Variants in NPR3 observed in about 807,000 individuals in gnomAD.
NPR3 encodes natriuretic peptide receptor 3.
Under a neutral mutation model 54.5 loss-of-function variants are expected in NPR3, and 34 were observed. The ratio of observed to expected loss-of-function variants is 0.62; its 90% CI spans 0.47 to 0.83. NPR3 has a LOEUF of 0.83. Ranked by LOEUF, NPR3 falls within the 40% of genes least tolerant of loss-of-function variation. The pLI is 0.00. For missense variants in NPR3, 674 were observed against 720.8 expected (o/e 0.94, Z 0.74); for synonymous variants, 289 against 297.1 (o/e 0.97, Z 0.28).
In NPR3 at chr5:32,789,544, A is replaced by T. The variant is rs375733344; in HGVS notation, c.*3199A>T. 9 of 534,610 alleles carry T rather than the reference A, an allele frequency of 1.7e-5. No homozygotes were observed. In the East Asian group the frequency reaches 2.7e-4, roughly 16 times the overall value. 33.1% of individuals were successfully genotyped at this position (534,610 alleles called of 1,614,324 possible). A position where few individuals can be genotyped will look rare whatever the true frequency, so the allele number is the denominator to read the frequency against. ...TTTAATGGAGGGAAGAGAGAAATGC[A>T]TGGGAAAAGAACACCTCCTTTTCTC... is the stretch of plus-strand genomic sequence containing the variant. On this transcript the variant is annotated 3_prime_UTR_variant, in exon 8 of 8. Transcript: ENST00000265074.
chr5:32,732,913 C>T lies in NPR3; in HGVS notation c.893-5951C>T, dbSNP rs535499770. Among the ~76,000 whole-genome samples the T allele has an allele frequency of 2.6e-5, 4 of 152,156 alleles. No homozygotes were observed. The East Asian group carries it at 5.8e-4, about 22-fold the overall frequency. On this transcript the variant is annotated intron_variant, in intron 2 of 7. Transcript: ENST00000265074. ...AGGCTGAATTGCAGTGGCATGATCT[C>T]AGCTCACTGCAACCTCTGCCTCCTA...
At chr5:32,778,769 G>C (rs1200337295) in intron 4 of NPR3, among the ~76,000 whole-genome samples, 1 of 152,142 alleles carries the variant, frequency 6.6e-6, no homozygotes, top group East Asian at 1.9e-4. Flanking sequence ...CCCATTTCTT[G>C]GCAGAATTGC....
chr5:32,699,960 C>A (rs963921189), intron 1 of NPR3, among the ~76,000 whole-genome samples: 1 of 152,152 alleles, frequency 6.6e-6, no homozygotes, highest in Non-Finnish European at 1.5e-5. Flanking sequence ...AATATTTTCA[C>A]CAGATATACT....
intron 2 of NPR3, among the ~76,000 whole-genome samples, chr5:32,728,837 GTATATATATATATATATATATATATA>G (rs70961659): frequency 4.2e-5 from 2 of 48,012 alleles, no homozygotes; most frequent in Admixed American, 3.3e-4. Context: ...GTGTGTGTGT[GTATATATATATATATATATATATATA>G]TATATATATA....
chr5:32,727,215 A>C (rs1329048486), intron 2 of NPR3, among the ~76,000 whole-genome samples: 1 of 152,070 alleles, frequency 6.6e-6, no homozygotes, highest in Non-Finnish European at 1.5e-5. Context: ...TAGCCTCAAC[A>C]CCATGGGCTC....
At chr5:32,755,148 C>T (rs1305688419) in intron 3 of NPR3, among the ~76,000 whole-genome samples, 4 of 152,252 alleles carry the variant, frequency 2.6e-5, no homozygotes, top group African/African-American at 7.2e-5. Context: ...GCGTGAGCCA[C>T]CGCGCCCGGC....
At chr5:32,702,398 A>C (rs1737846776) in intron 1 of NPR3, among the ~76,000 whole-genome samples, 1 of 131,462 alleles carries the variant, frequency 7.6e-6, no homozygotes, top group African/African-American at 2.8e-5. Context: ...TCCTAATGCT[A>C]TCCCTCCCCC....
intron 3 of NPR3, among the ~76,000 whole-genome samples, chr5:32,765,823 A>G (rs1309628770): frequency 6.6e-6 from 1 of 152,218 alleles, no homozygotes; most frequent in East Asian, 1.9e-4. Context: ...AACGGAATCT[A>G]TAAATAAAGG....
At chr5:32,694,271 A>G (rs1168500324) in intron 1 of NPR3, among the ~76,000 whole-genome samples, 3 of 152,264 alleles carry the variant, frequency 2.0e-5, no homozygotes, top group Non-Finnish European at 4.4e-5. Context: ...ACAAGCAAAC[A>G]TTATACAGTA....
chr5:32,722,318 C>T (rs1280321522), intron 1 of NPR3, among the ~76,000 whole-genome samples: 1 of 152,108 alleles, frequency 6.6e-6, no homozygotes, highest in Non-Finnish European at 1.5e-5. Flanking sequence ...CTCTACTGGC[C>T]TCCCTGATTC....
At chr5:32,695,214 T>G (rs1458757532) in intron 1 of NPR3, among the ~76,000 whole-genome samples, 4 of 152,326 alleles carry the variant, frequency 2.6e-5, no homozygotes, top group Admixed American at 2.6e-4. Context: ...TTCTTTTGGG[T>G]ATATACCCAA....
At chr5:32,711,298 C>T, upstream of NPR3, 1 of 965,864 alleles carries the variant, frequency 1.0e-6, no homozygotes, top group Non-Finnish European at 1.2e-6. Flanking sequence ...GCTATTTAAA[C>T]GCGGGCTATG....
intron 1 of NPR3, among the ~76,000 whole-genome samples, chr5:32,717,989 G>A (rs1738646437): frequency 6.6e-6 from 1 of 152,116 alleles, no homozygotes; most frequent in Non-Finnish European, 1.5e-5. Flanking sequence ...TATGGTTTTA[G>A]GTTTAACATT....
In NPR3 at chr5:32,712,349, G is replaced by C. The variant is rs1367930301; in HGVS notation, c.573G>C (p.Leu191=). Residue 191 remains leucine, a synonymous_variant, in exon 1 of 8, where the codon CTG becomes CTC. Coordinates refer to ENST00000265074, the MANE Select transcript of NPR3 (RefSeq NM_001204375.2). Reference sequence around the variant, plus strand: ...AGATGGGCGAGATGATGCTCGCCCTGTTCCGCCACCACCACTGGAGCCGCG... The same window carrying C: ...AGATGGGCGAGATGATGCTCGCCCTCTTCCGCCACCACCACTGGAGCCGCG... The part of the protein sequence containing the change: ...YAKMGEMMLA[L]FRHHHWSRAA... The C allele has an allele frequency of 6.2e-7, 1 of 1,612,986 alleles. No homozygotes were observed. Among genetic ancestry groups the C allele is most frequent in the African/African-American group, 1.3e-5 (1 of 75,070 alleles).
chr5:32,702,047 C>T (rs1051315300), intron 1 of NPR3, among the ~76,000 whole-genome samples: 9 of 152,146 alleles, frequency 5.9e-5, no homozygotes, highest in African/African-American at 2.2e-4. Context: ...GTTAGGTTCA[C>T]TCAAGGCCCT....
At chr5:32,703,417 A>T (rs560945031) in intron 1 of NPR3, among the ~76,000 whole-genome samples, 245 of 151,574 alleles carry the variant, frequency 1.6e-3, no homozygotes, top group African/African-American at 5.3e-3. Flanking sequence ...CTCAAGCAGA[A>T]GGAGTCTCTC....
At chr5:32,720,356 A>G (rs960848389) in intron 1 of NPR3, among the ~76,000 whole-genome samples, 5 of 152,224 alleles carry the variant, frequency 3.3e-5, no homozygotes, top group Non-Finnish European at 5.9e-5. Context: ...GTTTCTCCCA[A>G]TGAAAACTTG....
chr5:32,693,444 T>C (rs142528275), intron 1 of NPR3, among the ~76,000 whole-genome samples: 1 of 152,282 alleles, frequency 6.6e-6, no homozygotes, highest in African/African-American at 2.4e-5. Flanking sequence ...AAGAAAAAAC[T>C]CCCTTACGGA....
At chr5:32,719,050 T>G (rs989211197) in intron 1 of NPR3, among the ~76,000 whole-genome samples, 1 of 152,126 alleles carries the variant, frequency 6.6e-6, no homozygotes, top group Non-Finnish European at 1.5e-5. Context: ...TTATTGAGAG[T>G]TTTTAGCATG....
Sources: gnomAD v4.1 joint callset for allele counts (sites outside exome capture counted in the v4.1 genomes callset) on GRCh38, gnomAD v4.1.1 for gene constraint, MANE v1.5 for transcripts, NCBI Gene and HGNC (gene_info 2026-07-23, HGNC 2026-07-21) for gene names.